POLI: variants seen among roughly 807,000 people sequenced by gnomAD.
POLI encodes the protein DNA polymerase iota.
POLI carries 58 observed loss-of-function variants against 51.6 expected under a neutral mutation model. The ratio of observed to expected loss-of-function variants is 1.12; its 90% CI spans 0.91 to 1.40. The LOEUF (loss-of-function observed/expected upper bound fraction) is 1.40. Among genes scored for constraint, POLI ranks in the 40% most tolerant of loss-of-function variants. POLI has a pLI of 0.00. For synonymous variants in POLI, 322 were observed against 299.7 expected (o/e 1.07, Z -0.77); for missense variants, 921 against 871.3 (o/e 1.06, Z -0.72).
Position 54,297,416 on chromosome 18 carries a change from C to T in POLI, c.*2949C>T. 5.1e-6 allele frequency: 5 copies of T among 982,530 alleles called. No homozygotes were observed. The highest frequency in any genetic ancestry group is 6.0e-6 in the Non-Finnish European group (5 of 827,614). 60.9% of individuals were successfully genotyped at this position (982,530 alleles called of 1,614,324 possible). ...CTTGAGTGTAGGCCTGGAGATTTCCCTTATATGGTACAAACCAGCAATGAA... is the reference window on the plus strand; with the variant it reads ...CTTGAGTGTAGGCCTGGAGATTTCCTTTATATGGTACAAACCAGCAATGAA... On this transcript the variant is annotated 3_prime_UTR_variant, in exon 10 of 10. Coordinates refer to ENST00000579534, the MANE Select transcript of POLI (RefSeq NM_007195.3).
intron 3 of POLI, chr18:54,310,940 T>G (rs1240294671): frequency 6.2e-6 from 1 of 160,926 alleles, no homozygotes; most frequent in Non-Finnish European, 1.3e-5. Context: ...TAAAAAAAAG[T>G]AGAGATGGGA....
intron 3 of POLI, among the ~76,000 whole-genome samples, chr18:54,275,809 G>T (rs2087215986): frequency 6.6e-6 from 1 of 151,976 alleles, no homozygotes; most frequent in Admixed American, 6.6e-5. Flanking sequence ...TACTTTTTGT[G>T]TTAGGTATTT....
chr18:54,297,185 G>T lies in POLI; in HGVS notation c.*2718G>T, dbSNP rs142284653. Reference sequence around the variant, plus strand: ...GTCAATTCCAAACTAACAGGCAGATGCTGTTAGCTATCTGCCTCCAGGGAT... The same window carrying T: ...GTCAATTCCAAACTAACAGGCAGATTCTGTTAGCTATCTGCCTCCAGGGAT... On this transcript the variant is annotated 3_prime_UTR_variant, in exon 10 of 10. Coordinates refer to ENST00000579534, the MANE Select transcript of POLI (RefSeq NM_007195.3). 7.2e-5 allele frequency: 71 copies of T among 984,330 alleles called. No homozygotes were observed. The African/African-American group carries it at 1.2e-3, about 16-fold the overall frequency. The allele number at this position is 984,330 out of a possible 1,614,324, so 61.0% of individuals were successfully genotyped here.
At chr18:54,307,719 A>T (rs370490943) in intron 3 of POLI, among the ~76,000 whole-genome samples, 1 of 152,142 alleles carries the variant, frequency 6.6e-6, no homozygotes, top group Non-Finnish European at 1.5e-5. Flanking sequence ...GTGGGAGTCT[A>T]AGTCTCTTTG....
intron 3 of POLI, among the ~76,000 whole-genome samples, chr18:54,319,684 A>G (rs1032692162): frequency 6.6e-6 from 1 of 152,160 alleles, no homozygotes; most frequent in Non-Finnish European, 1.5e-5. Flanking sequence ...TGCAATACCT[A>G]GCTATTTAGA....
At chr18:54,303,037 G>A (rs1041457359), downstream of POLI, among the ~76,000 whole-genome samples, 3 of 152,188 alleles carry the variant, frequency 2.0e-5, no homozygotes, top group East Asian at 3.8e-4. Flanking sequence ...TCAGCTTGTG[G>A]ATGTCCAGTA....
intron 8 of POLI, 188 bp from the exon 9 acceptor site, chr18:54,291,645 A>ATTTC: frequency 2.4e-6 from 1 of 412,010 alleles, no homozygotes; most frequent in Non-Finnish European, 4.3e-6. Context: ...GTATAACCAG[A>ATTTC]AATCCCATAT....
intron 1 of POLI, 171 bp from the exon 2 acceptor site, chr18:54,271,189 C>T (rs551790559): frequency 1.9e-6 from 1 of 526,916 alleles, no homozygotes; most frequent in Non-Finnish European, 3.3e-6. Flanking sequence ...AGACCCTACC[C>T]TAAGTGGAGT....
intron 1 of POLI, 35 bp downstream of exon 1, chr18:54,269,696 G>T: frequency 2.0e-6 from 3 of 1,468,354 alleles, no homozygotes; most frequent in Non-Finnish European, 2.7e-6. Context: ...CGGCCTCCTT[G>T]GGTGTAAATG....
chr18:54,292,050 C>CT lies in POLI; in HGVS notation c.1404+18dup, dbSNP rs397724979. The CT allele has an allele frequency of 7.1e-4, 1,064 of 1,501,460 alleles. 9 individuals are homozygous for CT. In the African/African-American group the frequency reaches 0.014, roughly 20 times the overall value. 93.0% of individuals were successfully genotyped at this position (1,501,460 alleles called of 1,614,324 possible). ...GCAAGCACAGTTTTGTAAGTACACT[C>CT]TTTTTTGTTCAGTTTTCTAAGTATA... On this transcript the variant is annotated intron_variant, in intron 9 of 9. Transcript: ENST00000579534.
At chr18:54,270,382 C>G (rs1054470579) in intron 1 of POLI, 2 of 152,244 alleles carry the variant, frequency 1.3e-5, no homozygotes, top group Non-Finnish European at 2.9e-5. Flanking sequence ...AGGCTGGTCT[C>G]AAACTCCAGC....
intron 3 of POLI, among the ~76,000 whole-genome samples, chr18:54,310,176 A>G (rs572448484): frequency 6.6e-6 from 1 of 152,318 alleles, no homozygotes; most frequent in African/African-American, 2.4e-5. Context: ...CATCAGTCAC[A>G]CTAGGAACTG....
In POLI at chr18:54,297,016, T is replaced by A. The variant is rs1444745342; in HGVS notation, c.*2549T>A. On this transcript the variant is annotated 3_prime_UTR_variant, in exon 10 of 10. Transcript: ENST00000579534. Reference sequence around the variant, plus strand: ...AAATTGTGTATGTTTTCCTTCAGTATGATTTGAGTTCGTTGCTTCTCTGGG... The same window carrying A: ...AAATTGTGTATGTTTTCCTTCAGTAAGATTTGAGTTCGTTGCTTCTCTGGG... 1.1e-5 allele frequency: 11 copies of A among 985,298 alleles called. No homozygotes were observed. The highest frequency in any genetic ancestry group is 1.3e-5 in the Non-Finnish European group (11 of 829,912). 61.0% of individuals were successfully genotyped at this position (985,298 alleles called of 1,614,324 possible). A position where few individuals can be genotyped will look rare whatever the true frequency, so the allele number is the denominator to read the frequency against.
downstream of POLI, among the ~76,000 whole-genome samples, chr18:54,301,183 G>A (rs1482816179): frequency 2.6e-5 from 4 of 152,254 alleles, no homozygotes; most frequent in South Asian, 4.1e-4. Flanking sequence ...GGAGGCTGAC[G>A]CAGGAGAATC....
At chr18:54,282,267 A>G (rs2087535076) in intron 5 of POLI, among the ~76,000 whole-genome samples, 1 of 152,154 alleles carries the variant, frequency 6.6e-6, no homozygotes, top group Admixed American at 6.6e-5. Flanking sequence ...TTTTAGTAAG[A>G]CAGCATTTAT....
intron 7 of POLI, 179 bp downstream of exon 7, chr18:54,284,192 G>A: frequency 2.4e-6 from 1 of 420,706 alleles, no homozygotes; most frequent in South Asian, 4.4e-5. Flanking sequence ...GGTAATAGGG[G>A]GTCTTACCTA....
At chr18:54,271,333 C>G (rs756561620) in intron 1 of POLI, 27 bp from the exon 2 acceptor site, 1 of 1,584,706 alleles carries the variant, frequency 6.3e-7, no homozygotes, top group African/African-American at 1.4e-5. Context: ...GCCTGAATTT[C>G]TTTTTATTTC....
chr18:54,312,426 T>C (rs2088680605), intron 3 of POLI, among the ~76,000 whole-genome samples: 1 of 152,174 alleles, frequency 6.6e-6, no homozygotes. Flanking sequence ...AGTGAACATA[T>C]GGGTGCATGT....
chr18:54,287,786 G>A (rs1206465724), intron 8 of POLI: 2 of 154,720 alleles, frequency 1.3e-5, no homozygotes, highest in African/African-American at 4.8e-5. Context: ...TCAAACTCCT[G>A]AGCTCAAGCA....
Sources: gnomAD v4.1 joint callset for allele counts (sites outside exome capture counted in the v4.1 genomes callset) on GRCh38, gnomAD v4.1.1 for gene constraint, MANE v1.5 for transcripts, NCBI Gene and HGNC (gene_info 2026-07-23, HGNC 2026-07-21) for gene names.